Variants in ACACA observed in about 807,000 individuals in gnomAD.
The protein encoded by ACACA is acetyl-CoA carboxylase alpha, also known as acetyl-CoA carboxylase 1.
ACACA carries 103 observed loss-of-function variants against 296.1 expected under a neutral mutation model. The ratio of observed to expected loss-of-function variants is 0.35; its 90% CI spans 0.30 to 0.41. The LOEUF is 0.41. Among genes scored for constraint, ACACA ranks in the 10% least tolerant of loss-of-function variants. The pLI, the probability that ACACA is intolerant of heterozygous loss-of-function variation, is 1.00. For missense variants in ACACA, 1,554 were observed against 2,989.7 expected (o/e 0.52, Z 11.20); for synonymous variants, 953 against 1,038.6 (o/e 0.92, Z 1.58).
At chr17:37,090,105 C>T (rs1048411047) in intron 54 of ACACA, among the ~76,000 whole-genome samples, 1 of 152,128 alleles carries the variant, frequency 6.6e-6, no homozygotes, top group Non-Finnish European at 1.5e-5. Context: ...AGGTTTGAGA[C>T]GTGGCTACAG....
chr17:37,338,225 T>C (rs1248211292), intron 2 of ACACA, among the ~76,000 whole-genome samples: 1 of 126,934 alleles, frequency 7.9e-6, no homozygotes, highest in Non-Finnish European at 1.6e-5. Context: ...AGACTCCGTC[T>C]CAAAAAAAAA....
At chr17:37,365,231 T>A (rs1289488916) in intron 1 of ACACA, among the ~76,000 whole-genome samples, 1 of 152,150 alleles carries the variant, frequency 6.6e-6, no homozygotes, top group East Asian at 1.9e-4. Flanking sequence ...AATGCTGGGA[T>A]TACAGGTGTG....
At chr17:37,217,329 C>T (rs907856385) in intron 29 of ACACA, among the ~76,000 whole-genome samples, 3 of 146,242 alleles carry the variant, frequency 2.1e-5, no homozygotes, top group Admixed American at 6.8e-5. Flanking sequence ...TGCAGTCTTG[C>T]TTTGATATTA....
In ACACA at chr17:37,254,611, G is replaced by A. The variant is rs2081142672; in HGVS notation, c.1827-1575C>T. 4.6e-5 allele frequency among the ~76,000 whole-genome samples: 7 copies of A among 152,124 alleles called. 1 individual carries two copies. The South Asian group carries it at 1.4e-3, about 31-fold the overall frequency. ...CCTCTGGATTGTAAAGTTTTGTGAG[G>A]AGAGAGATTCTATCTTGGACCTCAC... On this transcript the variant is annotated intron_variant, in intron 14 of 55. Transcript: ENST00000616317.
intron 43 of ACACA, among the ~76,000 whole-genome samples, chr17:37,155,041 A>G (rs1267691829): frequency 2.6e-5 from 4 of 152,180 alleles, no homozygotes; most frequent in Admixed American, 2.6e-4. Flanking sequence ...ATCCTTAAAA[A>G]TTGACTTTTC....
intron 2 of ACACA, among the ~76,000 whole-genome samples, chr17:37,337,618 T>C (rs2048186047): frequency 6.6e-6 from 1 of 151,930 alleles, no homozygotes; most frequent in South Asian, 2.1e-4. Flanking sequence ...TATGCCTGGC[T>C]ACTTTTTGTT....
rs746913592 is a variant in ACACA at position 37,155,706 on chromosome 17, G to A, written c.5424C>T (p.His1808=). 1.2e-5 allele frequency: 20 copies of A among 1,609,282 alleles called. No homozygotes were observed. Among genetic ancestry groups the A allele is most frequent in the African/African-American group, 1.2e-4 (9 of 74,794 alleles). The change falls in exon 43 of 56, where the codon CAC becomes CAT. Residue 1808 remains histidine (H), a synonymous_variant. Coordinates refer to ENST00000616317, the MANE Select transcript of ACACA (RefSeq NM_198834.3). ...ACCTGGATTCTCCTTCATCTTCCAC[G>A]TGTTCACAATGGACAGAGTTGAGAG... is the stretch of plus-strand genomic sequence containing the variant. ...VSALNSVHCE[H]VEDEGESRYK...
chr17:37,156,989 GA>G (rs2076277958), intron 42 of ACACA, among the ~76,000 whole-genome samples: 1 of 152,150 alleles, frequency 6.6e-6, no homozygotes, highest in Non-Finnish European at 1.5e-5. Context: ...CCAGGCACTG[GA>G]AAAACAGGAA....
chr17:37,259,215 C>T, intron 12 of ACACA, 145 bp downstream of exon 12: 2 of 945,560 alleles, frequency 2.1e-6, no homozygotes, highest in East Asian at 4.8e-5. Flanking sequence ...ACCACACATG[C>T]ATAACACATA....
At chr17:37,183,831 G>C (rs1269364510) in intron 39 of ACACA, among the ~76,000 whole-genome samples, 2 of 138,950 alleles carry the variant, frequency 1.4e-5, no homozygotes, top group Non-Finnish European at 3.1e-5. Context: ...AAGAAAATGA[G>C]AACTAGAGTT....
intron 11 of ACACA, among the ~76,000 whole-genome samples, chr17:37,262,688 G>A (rs2081568726): frequency 6.6e-6 from 1 of 152,124 alleles, no homozygotes; most frequent in African/African-American, 2.4e-5. Context: ...TGATGAAAGA[G>A]AAATAGAAAC....
intron 1 of ACACA, chr17:37,379,263 A>G (rs1468395055): frequency 1.2e-6 from 2 of 1,614,040 alleles, no homozygotes; most frequent in South Asian, 2.2e-5. Flanking sequence ...CCAAAGGTCA[A>G]GCATATTTTG....
intron 14 of ACACA, among the ~76,000 whole-genome samples, chr17:37,254,537 C>T (rs1295055450): frequency 6.6e-6 from 1 of 152,128 alleles, no homozygotes; most frequent in Non-Finnish European, 1.5e-5. Context: ...AATAATCTGA[C>T]TATCATCATA....
chr17:37,387,380 A>C (rs1179132839), intron 1 of ACACA: 1 of 151,794 alleles, frequency 6.6e-6, no homozygotes, highest in Non-Finnish European at 1.5e-5. Context: ...AGCCTCCCAA[A>C]GTGATGGGAT....
At chr17:37,295,921 T>C (rs999079629) in intron 3 of ACACA, among the ~76,000 whole-genome samples, 1 of 151,796 alleles carries the variant, frequency 6.6e-6, no homozygotes, top group East Asian at 1.9e-4. Context: ...CGAGACTCCA[T>C]TTCAAAAAAT....
chr17:37,204,489 T>A (rs1441866978), intron 33 of ACACA, among the ~76,000 whole-genome samples: 2 of 152,174 alleles, frequency 1.3e-5, no homozygotes, highest in Non-Finnish European at 2.9e-5. Flanking sequence ...TCTAACCCCA[T>A]GGAATCGTGG....
At chr17:37,208,754 C>T (rs1357620385) in intron 30 of ACACA, among the ~76,000 whole-genome samples, 1 of 152,186 alleles carries the variant, frequency 6.6e-6, no homozygotes, top group African/African-American at 2.4e-5. Flanking sequence ...TCTGAATGCT[C>T]AATCAGGACA....
chr17:37,321,326 G>A (rs1394738644), intron 3 of ACACA, among the ~76,000 whole-genome samples: 1 of 152,142 alleles, frequency 6.6e-6, no homozygotes, highest in Non-Finnish European at 1.5e-5. Context: ...TATGAATTGT[G>A]AATGAAAATG....
intron 16 of ACACA, among the ~76,000 whole-genome samples, chr17:37,250,971 G>A (rs2080964535): frequency 6.6e-6 from 1 of 152,222 alleles, no homozygotes. Context: ...ACCTTGCAGC[G>A]AGCCGAGATT....
Sources: gnomAD v4.1 joint callset for allele counts (sites outside exome capture counted in the v4.1 genomes callset) on GRCh38, gnomAD v4.1.1 for gene constraint, MANE v1.5 for transcripts, NCBI Gene and HGNC (gene_info 2026-07-23, HGNC 2026-07-21) for gene names.